The following ATRNL1 variants were observed in gnomAD, a reference collection of about 807,000 sequenced individuals.
The protein encoded by ATRNL1 is attractin-like protein 1.
Under a neutral mutation model 182.7 loss-of-function variants are expected in ATRNL1, and 95 were observed. The observed-to-expected ratio is 0.52, with a 90% CI of 0.44 to 0.62. The LOEUF (loss-of-function observed/expected upper bound fraction) is 0.62. Among genes scored for constraint, ATRNL1 ranks in the 20% least tolerant of loss-of-function variants. ATRNL1 has a pLI of 0.00. For missense variants in ATRNL1, 1,471 were observed against 1,679.5 expected (o/e 0.88, Z 2.17); for synonymous variants, 576 against 568.3 (o/e 1.01, Z -0.19).
intron 27 of ATRNL1, among the ~76,000 whole-genome samples, chr10:115,774,116 C>A (rs782116390): frequency 6.6e-6 from 1 of 152,060 alleles, no homozygotes; most frequent in Non-Finnish European, 1.5e-5. Context: ...TTTCCCCAGC[C>A]CCAGGTGTGG....
At chr10:115,613,432 T>C (rs1417405131) in intron 26 of ATRNL1, among the ~76,000 whole-genome samples, 5 of 152,202 alleles carry the variant, frequency 3.3e-5, no homozygotes, top group African/African-American at 1.2e-4. Context: ...GCTTTGCTAG[T>C]ATTTCTGTTG....
chr10:115,732,677 C>T (rs1947834373), intron 27 of ATRNL1, among the ~76,000 whole-genome samples: 1 of 152,080 alleles, frequency 6.6e-6, no homozygotes, highest in Non-Finnish European at 1.5e-5. Flanking sequence ...AATTCAGTCA[C>T]CAGTAGAGCA....
At chr10:115,414,076 C>T (rs1036680331) in intron 20 of ATRNL1, among the ~76,000 whole-genome samples, 3 of 152,086 alleles carry the variant, frequency 2.0e-5, no homozygotes, top group Admixed American at 1.3e-4. Context: ...GTTCCTTCTT[C>T]TACAGTAAAT....
At chr10:115,253,393 C>A (rs1554905829) in intron 10 of ATRNL1, among the ~76,000 whole-genome samples, 5 of 152,092 alleles carry the variant, frequency 3.3e-5, no homozygotes, top group Admixed American at 2.0e-4. Flanking sequence ...GGCCTGTGTT[C>A]CTCAGGCAGT....
chr10:115,491,232 C>G (rs1355760429), intron 24 of ATRNL1, among the ~76,000 whole-genome samples: 4 of 152,138 alleles, frequency 2.6e-5, no homozygotes, highest in Non-Finnish European at 5.9e-5. Context: ...CTTGAGGACC[C>G]ACTTGAGGCC....
intron 8 of ATRNL1, among the ~76,000 whole-genome samples, chr10:115,172,942 G>A (rs573222812): frequency 9.9e-5 from 15 of 151,330 alleles, no homozygotes; most frequent in Non-Finnish European, 2.2e-4. Context: ...TGCCAGTGTA[G>A]CTTGGTCTCG....
intron 9 of ATRNL1, among the ~76,000 whole-genome samples, chr10:115,227,951 A>T (rs1363226596): frequency 6.6e-6 from 1 of 152,144 alleles, no homozygotes; most frequent in Non-Finnish European, 1.5e-5. Flanking sequence ...TAGTATTTGA[A>T]TGAGTAGCAG....
intron 26 of ATRNL1, among the ~76,000 whole-genome samples, chr10:115,705,346 A>G (rs1248422832): frequency 6.6e-6 from 1 of 151,918 alleles, no homozygotes; most frequent in Non-Finnish European, 1.5e-5. Context: ...CACTTCCCAG[A>G]AAATAAGATT....
In ATRNL1 at chr10:115,368,384, G is replaced by A. The variant is rs565105875; in HGVS notation, c.3176-26275G>A. 4.6e-4 allele frequency among the ~76,000 whole-genome samples: 70 copies of A among 152,248 alleles called. 1 individual carries two copies. The highest frequency in any genetic ancestry group is 6.8e-3 in the Middle Eastern group (2 of 294). On this transcript the variant is annotated intron_variant, in intron 19 of 28. Transcript: ENST00000355044. The stretch of plus-strand genomic sequence containing the variant: ...GCAAAGCCTCGCCCTGCTTCGGCTC[G>A]CGCACGGTGCACGCACCCACTGACC...
chr10:115,434,600 A>T (rs1217286992), intron 21 of ATRNL1, among the ~76,000 whole-genome samples: 2 of 152,218 alleles, frequency 1.3e-5, no homozygotes, highest in Admixed American at 6.5e-5. Context: ...TTAAAAAATC[A>T]TATGCCATTT....
intron 19 of ATRNL1, among the ~76,000 whole-genome samples, chr10:115,362,820 T>A (rs1856814889): frequency 6.6e-6 from 1 of 151,512 alleles, no homozygotes; most frequent in South Asian, 2.1e-4. Context: ...GATTTCCAAT[T>A]TCATCCATGT....
intron 27 of ATRNL1, among the ~76,000 whole-genome samples, chr10:115,755,011 A>G (rs1948549267): frequency 6.6e-6 from 1 of 152,186 alleles, no homozygotes; most frequent in Non-Finnish European, 1.5e-5. Context: ...ATTTTTGCAC[A>G]TTGATTTTGT....
At chr10:115,204,145 T>G (rs1848709060) in intron 8 of ATRNL1, among the ~76,000 whole-genome samples, 2 of 152,128 alleles carry the variant, frequency 1.3e-5, no homozygotes, top group African/African-American at 2.4e-5. Context: ...GTACGTTTAT[T>G]CATATCCTGC....
At position 115,945,230 on chromosome 10, in the gene ATRNL1, T is replaced by C. The variant is rs916227923; in HGVS notation, c.*451T>C. 2.0e-4 allele frequency: 31 copies of C among 152,368 alleles called. No homozygotes were observed. Among genetic ancestry groups the C allele is most frequent in the Non-Finnish European group, 4.4e-4 (30 of 68,186 alleles). The allele number at this position is 152,368 out of a possible 1,614,324, so 9.4% of individuals were successfully genotyped here. Reference sequence around the variant, plus strand: ...ATGAACACATTGCAATGGCTTTAAATGCTCTTTTATCTCGTTGTAAAGGTA... The same window carrying C: ...ATGAACACATTGCAATGGCTTTAAACGCTCTTTTATCTCGTTGTAAAGGTA... On this transcript the variant is annotated 3_prime_UTR_variant, in exon 29 of 29. Coordinates refer to ENST00000355044, the MANE Select transcript of ATRNL1 (RefSeq NM_207303.4).
chr10:115,270,248 A>G (rs573020400), intron 13 of ATRNL1, among the ~76,000 whole-genome samples: 1 of 145,968 alleles, frequency 6.9e-6, no homozygotes, highest in South Asian at 2.1e-4. Flanking sequence ...TAAATAAATA[A>G]TATATATTTG....
chr10:115,696,972 A>G (rs1266170236), intron 26 of ATRNL1, among the ~76,000 whole-genome samples: 1 of 151,996 alleles, frequency 6.6e-6, no homozygotes, highest in African/African-American at 2.4e-5. Flanking sequence ...CTATCAGGAG[A>G]ACAGCAAGGG....
intron 28 of ATRNL1, among the ~76,000 whole-genome samples, chr10:115,935,103 C>T (rs1239965312): frequency 1.3e-5 from 2 of 152,190 alleles, no homozygotes; most frequent in East Asian, 3.9e-4. Context: ...TTCCTCATGG[C>T]TTCTGCCTGC....
intron 27 of ATRNL1, among the ~76,000 whole-genome samples, chr10:115,799,000 A>T (rs1023020642): frequency 4.6e-5 from 7 of 151,064 alleles, no homozygotes; most frequent in African/African-American, 1.5e-4. Flanking sequence ...CTAATTTTTT[A>T]ATTTTTAGCA....
chr10:115,899,368 G>A (rs12259200), intron 28 of ATRNL1, among the ~76,000 whole-genome samples: 12,398 of 152,108 alleles, frequency 0.082, 1,509 homozygotes, highest in African/African-American at 0.27. Context: ...GAAGGCAATG[G>A]CATGATCTCG....
Sources: allele counts gnomAD v4.1 joint callset (sites outside exome capture counted in the v4.1 genomes callset), GRCh38; gene constraint gnomAD v4.1.1; transcripts MANE v1.5; gene names NCBI Gene and HGNC (gene_info 2026-07-23, HGNC 2026-07-21).